ABL1: variants seen among roughly 807,000 people sequenced by gnomAD.
ABL1 encodes the protein tyrosine-protein kinase ABL1.
In ABL1, 11 loss-of-function variants were observed where a neutral mutation model predicts 94.7. The ratio of observed to expected loss-of-function variants is 0.12; its 90% CI spans 0.07 to 0.19. The LOEUF is 0.19. Among genes scored for constraint, ABL1 ranks in the 10% least tolerant of loss-of-function variants. The probability of loss-of-function intolerance (pLI) is 1.00; values close to 1 mark genes in which losing one functional copy is unlikely to be tolerated. For missense variants in ABL1, 1,082 were observed against 1,489.4 expected, an observed-to-expected ratio of 0.73 and a Z score of 4.50; for synonymous variants, 656 against 622.4, an observed-to-expected ratio of 1.05 and a Z score of -0.80.
rs1588234896 is a variant in ABL1 at position 130,776,731 on chromosome 9, G to A, written c.136+62276G>A. On this transcript the variant is annotated intron_variant, in intron 1 of 10. Transcript: ENST00000372348. ...ACAAGCTACAGAAGCCACAAGGGAG[G>A]TGCTGCTTAGAGGGGGCTCTTTATT... Among the ~76,000 whole-genome samples the A allele has an allele frequency of 2.0e-5, 3 of 152,182 alleles. No homozygotes were observed. The South Asian group carries it at 6.2e-4, about 32-fold the overall frequency.
In ABL1 at chr9:130,730,998, C is replaced by CTTTTTTTTTTTTTTTTT. The variant is rs11300328; in HGVS notation, c.136+16553_136+16569dup. ...CATTGTGCGTTTTCACTCTATCTCT[C>CTTTTTTTTTTTTTTTTT]TTTTTTTTTTTTTTTTTTTTTTTTT... On this transcript the variant is annotated intron_variant, in intron 1 of 10. Transcript: ENST00000372348. 3.1e-5 allele frequency among the ~76,000 whole-genome samples: 2 copies of CTTTTTTTTTTTTTTTTT among 64,464 alleles called. 1 individual carries two copies. Among genetic ancestry groups the CTTTTTTTTTTTTTTTTT allele is most frequent in the Non-Finnish European group, 5.5e-5 (2 of 36,528 alleles). The allele number at this position is 64,464 out of a possible 152,430, so 42.3% of individuals were successfully genotyped here. A position where few individuals can be genotyped will look rare whatever the true frequency, so the allele number is the denominator to read the frequency against.
At chr9:130,807,938 TC>T (rs976713584) in intron 1 of ABL1, among the ~76,000 whole-genome samples, 3 of 151,084 alleles carry the variant, frequency 2.0e-5, no homozygotes, top group Non-Finnish European at 3.0e-5. Context: ...CCTCAGGTGA[TC>T]CCCCCCACCT....
chr9:130,807,615 T>G (rs925966151), intron 1 of ABL1, among the ~76,000 whole-genome samples: 2 of 149,942 alleles, frequency 1.3e-5, no homozygotes, highest in South Asian at 4.2e-4. Flanking sequence ...TATTATAAGT[T>G]TAAATAGTTG....
At chr9:130,788,546 A>C (rs1408366117) in intron 1 of ABL1, among the ~76,000 whole-genome samples, 1 of 152,166 alleles carries the variant, frequency 6.6e-6, no homozygotes, top group Non-Finnish European at 1.5e-5. Context: ...AATTTCCTCA[A>C]TTCTCCCAGT....
chr9:130,801,920 T>G (rs986015513), intron 1 of ABL1, among the ~76,000 whole-genome samples: 4 of 152,174 alleles, frequency 2.6e-5, no homozygotes, highest in Non-Finnish European at 5.9e-5. Context: ...ATTCAGCATC[T>G]TGCATCTTCA....
intron 4 of ABL1, 145 bp from the exon 5 acceptor site, chr9:130,871,984 A>G (rs1203856323): frequency 1.5e-6 from 1 of 652,846 alleles, no homozygotes; most frequent in African/African-American, 1.8e-5. Context: ...CTGTCATGGA[A>G]CCTGTCTGCA....
intron 3 of ABL1, among the ~76,000 whole-genome samples, chr9:130,859,484 A>T (rs1831029561): frequency 6.6e-6 from 1 of 151,098 alleles, no homozygotes; most frequent in South Asian, 2.1e-4. Context: ...GTTCTTGTGT[A>T]CTGCGAGGCT....
At chr9:130,761,725 AT>A (rs1832117481) in intron 1 of ABL1, among the ~76,000 whole-genome samples, 1 of 152,082 alleles carries the variant, frequency 6.6e-6, no homozygotes, top group South Asian at 2.1e-4. Flanking sequence ...AAGACTAACC[AT>A]TTCTTCAAAT....
intron 1 of ABL1, among the ~76,000 whole-genome samples, chr9:130,737,899 C>T (rs530970135): frequency 2.5e-4 from 37 of 150,488 alleles, no homozygotes; most frequent in Non-Finnish European, 4.7e-4. Context: ...GGCACAATCT[C>T]GGCTCACTGC....
intron 1 of ABL1, among the ~76,000 whole-genome samples, chr9:130,813,679 T>C (rs981042321): frequency 2.0e-5 from 3 of 151,422 alleles, no homozygotes; most frequent in Non-Finnish European, 4.4e-5. Flanking sequence ...AATAACATAA[T>C]TTTAAGTAAA....
chr9:130,760,210 G>C (rs753141530), intron 1 of ABL1, among the ~76,000 whole-genome samples: 10 of 152,102 alleles, frequency 6.6e-5, no homozygotes, highest in Non-Finnish European at 2.9e-5. Context: ...CTTGCCTGCA[G>C]ATCATGGTGC....
chr9:130,885,642 C>T lies in ABL1; in HGVS notation c.3352C>T (p.Leu1118Phe). 1 of 1,613,124 alleles carries T rather than the reference C, an allele frequency of 6.2e-7. No individual in the cohort carries two copies. The highest frequency in any genetic ancestry group is 8.5e-7 in the Non-Finnish European group (1 of 1,179,848). Residue 1118 changes from leucine to phenylalanine, a missense_variant, in exon 11 of 11, where the codon CTC becomes TTC. Leu to Phe is a conservative substitution (Grantham distance 22). This residue lies in a region of ABL1 where 780 missense variants were observed against 835.8 expected (regional missense o/e 0.93). Transcript: ENST00000318560. ...GGCCACTCAGGACTTCAGCAAGCTC[C>T]TCAGTTCGGTGAAGGAAATCAGTGA... is the stretch of plus-strand genomic sequence containing the variant. Reference protein sequence around the residue: ...PAATQDFSKLLSSVKEISDIV... With the variant: ...PAATQDFSKLFSSVKEISDIV...
At chr9:130,841,799 A>T (rs1830676625) in intron 1 of ABL1, among the ~76,000 whole-genome samples, 1 of 152,054 alleles carries the variant, frequency 6.6e-6, no homozygotes, top group African/African-American at 2.4e-5. Flanking sequence ...GCAACGAGCA[A>T]AAACTCCAGC....
intron 1 of ABL1, among the ~76,000 whole-genome samples, chr9:130,827,513 A>G (rs1203460954): frequency 6.6e-6 from 1 of 152,194 alleles, no homozygotes; most frequent in Non-Finnish European, 1.5e-5. Flanking sequence ...CTCTAACCTG[A>G]TATTAATAGA....
intron 1 of ABL1, among the ~76,000 whole-genome samples, chr9:130,744,235 C>G (rs553185716): frequency 6.6e-6 from 1 of 151,788 alleles, no homozygotes; most frequent in Non-Finnish European, 1.5e-5. Context: ...CTCTGCCTCC[C>G]GGGTTCAAGA....
chr9:130,881,312 G>C (rs1428881779), intron 10 of ABL1, among the ~76,000 whole-genome samples: 1 of 152,188 alleles, frequency 6.6e-6, no homozygotes, highest in African/African-American at 2.4e-5. Flanking sequence ...CAGACCAGCT[G>C]AACAAAAGCA....
intron 1 of ABL1, among the ~76,000 whole-genome samples, chr9:130,739,846 G>A (rs1018897975): frequency 2.0e-5 from 3 of 152,122 alleles, no homozygotes; most frequent in African/African-American, 7.2e-5. Flanking sequence ...TCAGGAGTTT[G>A]AGACCAGCCT....
chr9:130,825,989 G>C (rs1401823543), intron 1 of ABL1, among the ~76,000 whole-genome samples: 1 of 152,156 alleles, frequency 6.6e-6, no homozygotes, highest in Non-Finnish European at 1.5e-5. Flanking sequence ...TAGGTGTCAT[G>C]TCACAGGAAA....
At chr9:130,875,853 G>A (rs752306310) in intron 7 of ABL1, among the ~76,000 whole-genome samples, 2 of 151,780 alleles carry the variant, frequency 1.3e-5, no homozygotes, top group Non-Finnish European at 2.9e-5. Context: ...TTCCGACGGA[G>A]TTTCGCTCTT....
Sources: gnomAD v4.1 joint callset for allele counts (sites outside exome capture counted in the v4.1 genomes callset) on GRCh38, gnomAD v4.1.1 for gene constraint, gnomAD v4.1.1 regional missense constraint, MANE v1.5 for transcripts, NCBI Gene and HGNC (gene_info 2026-07-23, HGNC 2026-07-21) for gene names.